Variants in BAG3 observed in about 807,000 individuals in gnomAD.
The protein encoded by BAG3 is BAG cochaperone 3.
Under a neutral mutation model 40.5 loss-of-function variants are expected in BAG3, and 14 were observed. That is an observed-to-expected ratio of 0.35 (90% CI 0.23 to 0.54). BAG3 has a LOEUF of 0.54. BAG3 is among the 20% of genes least tolerant of loss of function. The probability of loss-of-function intolerance (pLI) is 0.91; values close to 1 mark genes in which losing one functional copy is unlikely to be tolerated. For missense variants in BAG3, 788 were observed against 758.6 expected (o/e 1.04, Z -0.46); for synonymous variants, 302 against 307.8 (o/e 0.98, Z 0.20).
chr10:119,672,204 G>C lies in BAG3; in HGVS notation c.508-51G>C. ...GCAGAAGGCGTGGTCAGGATGCCAA[G>C]CCAGGGGAGTCATTTGTGGGGTCAT... On this transcript the variant is annotated intron_variant, in intron 2 of 3. Coordinates refer to ENST00000369085, the MANE Select transcript of BAG3 (RefSeq NM_004281.4). The surrounding 1 kb of genome is among the most constrained non-coding windows in gnomAD (Gnocchi z 4.8). The C allele has an allele frequency of 6.2e-7, 1 of 1,607,298 alleles. No homozygotes were observed.
chr10:119,658,891 T>C (rs890687584), intron 1 of BAG3, among the ~76,000 whole-genome samples: 1 of 152,070 alleles, frequency 6.6e-6, no homozygotes, highest in Non-Finnish European at 1.5e-5. Flanking sequence ...CCCGGAAACA[T>C]ATGCAGCCTG....
chr10:119,677,534 C>T lies in BAG3; in HGVS notation c.*252C>T. The T allele has an allele frequency of 8.8e-6, 5 of 566,986 alleles. No individual in the cohort carries two copies. The highest frequency in any genetic ancestry group is 9.4e-6 in the Non-Finnish European group (3 of 320,470). The allele number at this position is 566,986 out of a possible 1,614,324, so 35.1% of individuals were successfully genotyped here. A position where few individuals can be genotyped will look rare whatever the true frequency, so the allele number is the denominator to read the frequency against. ...AACCCCGTTGCTTGTTGTTCTGCAG[C>T]CCTGTCTACTTGGGCACCCCCACCA... On this transcript the variant is annotated 3_prime_UTR_variant, in exon 4 of 4. Coordinates refer to ENST00000369085, the MANE Select transcript of BAG3 (RefSeq NM_004281.4).
At chr10:119,670,818 G>A (rs1847139529) in intron 2 of BAG3, among the ~76,000 whole-genome samples, 1 of 152,168 alleles carries the variant, frequency 6.6e-6, no homozygotes, top group Admixed American at 6.5e-5. Context: ...TCTTAATCTG[G>A]TTCTTAGCTG....
At chr10:119,668,277 A>C (rs1414372265) in intron 1 of BAG3, among the ~76,000 whole-genome samples, 1 of 152,244 alleles carries the variant, frequency 6.6e-6, no homozygotes, top group African/African-American at 2.4e-5. Context: ...CCACGCCTGC[A>C]CACAAATAGA....
rs564579429 is a variant in BAG3 at position 119,656,131 on chromosome 10, C to A, written c.180+4276C>A. 2.0e-5 allele frequency among the ~76,000 whole-genome samples: 3 copies of A among 152,344 alleles called. No homozygotes were observed. In the South Asian group the frequency reaches 6.2e-4, roughly 32 times the overall value. On this transcript the variant is annotated intron_variant, in intron 1 of 3. Transcript: ENST00000369085. ...AAACCATTCATCATCCAGACCTACT[C>A]TTTCTCCTTTAAGTTTTGCTGTTTT...
intron 1 of BAG3, among the ~76,000 whole-genome samples, chr10:119,664,731 G>A (rs1847035632): frequency 6.6e-6 from 1 of 152,188 alleles, no homozygotes; most frequent in South Asian, 2.1e-4. Context: ...TTATCTGGAT[G>A]TGCTTGAACT....
Position 119,672,530 on chromosome 10 carries a change from G to A in BAG3, c.783G>A (p.Arg261=). The A allele has an allele frequency of 6.2e-7, 1 of 1,613,920 alleles. No homozygotes were observed. ...ATGACTGGGAGCCCCGGCCCCTGCGGGCGGCATCCCCGTTCAGGTCATCTG... is the reference window on the plus strand; with the variant it reads ...ATGACTGGGAGCCCCGGCCCCTGCGAGCGGCATCCCCGTTCAGGTCATCTG... The part of the protein sequence containing the change: ...QGDDWEPRPL[R]AASPFRSSVQ... Residue 261 remains arginine, a synonymous_variant, in exon 3 of 4, where the codon CGG becomes CGA. Coordinates refer to ENST00000369085, the MANE Select transcript of BAG3 (RefSeq NM_004281.4). The surrounding 1 kb of genome is among the most constrained non-coding windows in gnomAD (Gnocchi z 4.8).
In BAG3 at chr10:119,677,248, TGACA is replaced by T; in HGVS notation, c.1699_1702del (p.Asp567ProfsTer27). The T allele has an allele frequency of 6.2e-7, 1 of 1,614,126 alleles. No homozygotes were observed. The highest frequency in any genetic ancestry group is 1.1e-5 in the South Asian group (1 of 91,082). ...GCAGCGACTTCAAACCCCAGCAGCA[TGACA>T]GACACCCCTGGTAACCCAGCAGCAC... On this transcript the variant is annotated frameshift_variant, in exon 4 of 4. Coordinates refer to ENST00000369085, the MANE Select transcript of BAG3 (RefSeq NM_004281.4). LOFTEE classifies it high-confidence loss of function.
In BAG3 at chr10:119,672,165, T is replaced by C; in HGVS notation, c.508-90T>C. The stretch of plus-strand genomic sequence containing the variant: ...GGAGGTCTTACAATATGGATTGCCC[T>C]GAGGAGGTGCACAGCAGAAGGCGTG... On this transcript the variant is annotated intron_variant, in intron 2 of 3. Coordinates refer to ENST00000369085, the MANE Select transcript of BAG3 (RefSeq NM_004281.4). The surrounding 1 kb of genome is among the most constrained non-coding windows in gnomAD (Gnocchi z 4.8). 1.3e-6 allele frequency: 2 copies of C among 1,531,964 alleles called. No individual in the cohort carries two copies. Among genetic ancestry groups the C allele is most frequent in the Non-Finnish European group, 9.0e-7 (1 of 1,117,122 alleles). The allele number at this position is 1,531,964 out of a possible 1,614,324, so 94.9% of individuals were successfully genotyped here. A position where few individuals can be genotyped will look rare whatever the true frequency, so the allele number is the denominator to read the frequency against.
intron 1 of BAG3, among the ~76,000 whole-genome samples, chr10:119,654,495 C>T (rs561049438): frequency 3.9e-5 from 6 of 152,344 alleles, no homozygotes; most frequent in Admixed American, 2.6e-4. Context: ...GTTGATCTTC[C>T]GCCTTCTCCT....
intron 1 of BAG3, among the ~76,000 whole-genome samples, chr10:119,657,104 A>C (rs1212462059): frequency 1.3e-5 from 2 of 152,120 alleles, no homozygotes; most frequent in Non-Finnish European, 2.9e-5. Flanking sequence ...TTGTATAGTT[A>C]ATCAGAAATG....
intron 1 of BAG3, chr10:119,657,654 T>G (rs997084123): frequency 2.1e-6 from 1 of 469,234 alleles, no homozygotes; most frequent in African/African-American, 2.0e-5. Flanking sequence ...CTGCTCCTTT[T>G]TGTCACTTTG....
At position 119,658,585 on chromosome 10, in the gene BAG3, C is replaced by G. The variant is rs117256901; in HGVS notation, c.180+6730C>G. The stretch of plus-strand genomic sequence containing the variant: ...AAGCCTTTCTCTCCTGCTGCCTCTC[C>G]TGCTGCATTTTACCCCGGGAGATGA... On this transcript the variant is annotated intron_variant, in intron 1 of 3. Coordinates refer to ENST00000369085, the MANE Select transcript of BAG3 (RefSeq NM_004281.4). Among the ~76,000 whole-genome samples, 147 of 152,350 alleles carry G rather than the reference C, an allele frequency of 9.6e-4. 3 individuals carry two copies. In the East Asian group the frequency reaches 0.023, roughly 23 times the overall value.
rs1846844504 is a variant in BAG3, at chr10:119,651,800, A to G, written c.125A>G (p.His42Arg). The G allele has an allele frequency of 6.2e-7, 1 of 1,600,988 alleles. No homozygotes were observed. The highest frequency in any genetic ancestry group is 8.5e-7 in the Non-Finnish European group (1 of 1,174,512). Residue 42 changes from histidine (H) to arginine (R), a missense_variant, in exon 1 of 4, where the codon CAC becomes CGC. Transcript: ENST00000369085. ...ACCGGCTGGCCCTTCTTCGTGGACC[A>G]CAACAGCCGCACCACTACGTGGAAC... ...PQTGWPFFVD[H>R]NSRTTTWNDP...
At chr10:119,662,024 C>T (rs1015866251) in intron 1 of BAG3, among the ~76,000 whole-genome samples, 1 of 151,988 alleles carries the variant, frequency 6.6e-6, no homozygotes, top group Non-Finnish European at 1.5e-5. Context: ...TGCTGAAGCT[C>T]GACTCCAGTT....
intron 1 of BAG3, among the ~76,000 whole-genome samples, chr10:119,667,513 A>G (rs1847083747): frequency 6.6e-6 from 1 of 152,196 alleles, no homozygotes; most frequent in Non-Finnish European, 1.5e-5. Flanking sequence ...TGTTAGAAAT[A>G]GAGGTACGAA....
chr10:119,651,650 C>T lies in BAG3; in HGVS notation c.-26C>T. ...CCGGAGCCAGCGCCCCGCACCCGCG[C>T]CCCAGCGGGCAGACCCCAACCCAGC... On this transcript the variant is annotated 5_prime_UTR_variant, in exon 1 of 4. Transcript: ENST00000369085. 2.0e-6 allele frequency: 3 copies of T among 1,522,076 alleles called. No homozygotes were observed. The highest frequency in any genetic ancestry group is 2.6e-6 in the Non-Finnish European group (3 of 1,132,912). The allele number at this position is 1,522,076 out of a possible 1,614,324, so 94.3% of individuals were successfully genotyped here.
intron 1 of BAG3, 51 bp from the exon 2 acceptor site, chr10:119,669,800 G>A (rs916825146): frequency 1.3e-6 from 2 of 1,559,640 alleles, no homozygotes; most frequent in Admixed American, 1.7e-5. Flanking sequence ...TGCCAGGAGG[G>A]TTCACTTCCC....
intron 1 of BAG3, among the ~76,000 whole-genome samples, chr10:119,666,495 T>C (rs1847069056): frequency 6.6e-6 from 1 of 152,208 alleles, no homozygotes; most frequent in Non-Finnish European, 1.5e-5. Flanking sequence ...TTTTCCTTCC[T>C]CCCTCTCTCT....
Sources: gnomAD v4.1 joint callset for allele counts (sites outside exome capture counted in the v4.1 genomes callset) on GRCh38, gnomAD v4.1.1 for gene constraint, Gnocchi (gnomAD v3.1) non-coding constraint, MANE v1.5 for transcripts, NCBI Gene and HGNC (gene_info 2026-07-23, HGNC 2026-07-21) for gene names.